The following SLC15A2 variants were observed in gnomAD, a reference collection of about 807,000 sequenced individuals.
SLC15A2 encodes the protein kidney H(+)/peptide cotransporter.
A neutral mutation model predicts 95.5 loss-of-function variants in SLC15A2; 77 were observed. The ratio of observed to expected loss-of-function variants is 0.81; its 90% CI spans 0.67 to 0.97. The LOEUF (loss-of-function observed/expected upper bound fraction) is 0.97. Ranked by LOEUF, SLC15A2 falls within the 50% of genes least tolerant of loss-of-function variation. SLC15A2 has a pLI of 0.00. For synonymous variants in SLC15A2, 306 were observed against 306.9 expected, an observed-to-expected ratio of 1.00 and a Z score of 0.03; for missense variants, 893 against 874.4, an observed-to-expected ratio of 1.02 and a Z score of -0.27.
intron 19 of SLC15A2, among the ~76,000 whole-genome samples, chr3:121,934,891 G>A (rs963017129): frequency 6.6e-6 from 1 of 151,768 alleles, no homozygotes; most frequent in East Asian, 1.9e-4. Context: ...TATGATATTG[G>A]CTGTGGGTTT....
At chr3:121,914,689 T>C (rs1709845739) in intron 5 of SLC15A2, among the ~76,000 whole-genome samples, 1 of 151,974 alleles carries the variant, frequency 6.6e-6, no homozygotes, top group Admixed American at 6.6e-5. Flanking sequence ...ATTACAGAAA[T>C]GAGTAAGATA....
chr3:121,923,112 G>A lies in SLC15A2; in HGVS notation c.940G>A (p.Ala314Thr), dbSNP rs768694030. 4 of 1,613,960 alleles carry A rather than the reference G, an allele frequency of 2.5e-6. No homozygotes were observed. In the South Asian group the frequency reaches 4.4e-5, roughly 18 times the overall value. ...FLYIPLPMFW[A>T]LLDQQGSRWT... The stretch of plus-strand genomic sequence containing the variant: ...TTATATCCCATTGCCCATGTTCTGG[G>A]CTCTTTTGGATCAGCAGGTAAGAAT... The change falls in exon 10 of 22, where the codon GCT (alanine) becomes ACT (threonine). Residue 314 changes from alanine to threonine, a missense_variant. Coordinates refer to ENST00000489711, the MANE Select transcript of SLC15A2 (RefSeq NM_021082.4).
chr3:121,944,016 T>C lies in SLC15A2; in HGVS notation c.*3009T>C, dbSNP rs1391859003. ...TGTTATGTATCAATTTTTTAAAAAG[T>C]GAATGACATAATTCATTTGAAAAAA... On this transcript the variant is annotated 3_prime_UTR_variant, in exon 22 of 22. Coordinates refer to ENST00000489711, the MANE Select transcript of SLC15A2 (RefSeq NM_021082.4). The C allele has an allele frequency of 1.3e-5, 2 of 152,220 alleles. No homozygotes were observed. Among genetic ancestry groups the C allele is most frequent in the African/African-American group, 2.4e-5 (1 of 41,454 alleles). 9.4% of individuals were successfully genotyped at this position (152,220 alleles called of 1,614,324 possible).
At chr3:121,922,014 T>C (rs1236571949) in intron 7 of SLC15A2, among the ~76,000 whole-genome samples, 1 of 152,210 alleles carries the variant, frequency 6.6e-6, no homozygotes, top group Non-Finnish European at 1.5e-5. Flanking sequence ...TCAGGAAATG[T>C]AAGTCAGCTC....
chr3:121,897,558 C>G (rs1295280890), intron 3 of SLC15A2, 29 bp downstream of exon 3: 1 of 1,611,882 alleles, frequency 6.2e-7, no homozygotes, highest in South Asian at 1.1e-5. Context: ...CACATCCCTA[C>G]AAGTTTCACA....
chr3:121,914,971 G>A, intron 5 of SLC15A2: 1 of 1,217,060 alleles, frequency 8.2e-7, no homozygotes, highest in Non-Finnish European at 1.0e-6. Context: ...TGGCACTGAA[G>A]ACAGGAAGAT....
intron 7 of SLC15A2, among the ~76,000 whole-genome samples, chr3:121,921,073 T>C (rs1709996064): frequency 6.6e-6 from 1 of 152,158 alleles, no homozygotes; most frequent in African/African-American, 2.4e-5. Context: ...ATTAAAGAAA[T>C]GAAATTCCCT....
intron 3 of SLC15A2, among the ~76,000 whole-genome samples, chr3:121,900,732 T>C (rs1217266214): frequency 6.6e-6 from 1 of 152,102 alleles, no homozygotes; most frequent in Non-Finnish European, 1.5e-5. Flanking sequence ...CCCGTAAGGC[T>C]CACTCAAATA....
chr3:121,933,975 A>G (rs1710285913), intron 19 of SLC15A2, among the ~76,000 whole-genome samples: 1 of 151,732 alleles, frequency 6.6e-6, no homozygotes, highest in African/African-American at 2.4e-5. Context: ...TCAGCTTTCT[A>G]CATATGGCCA....
Position 121,940,447 on chromosome 3 carries a change from A to G in SLC15A2, c.1972A>G (p.Ile658Val), listed in dbSNP as rs751238512. 6.8e-6 allele frequency: 11 copies of G among 1,614,020 alleles called. No homozygotes were observed. The highest frequency in any genetic ancestry group is 9.3e-6 in the Non-Finnish European group (11 of 1,179,988). ...AWLLTIAVGN[I>V]IVLVVAQFSG... is the part of the protein sequence containing the mutation. The stretch of plus-strand genomic sequence containing the variant: ...GCTATTGACAATTGCAGTTGGGAAT[A>G]TCATCGTGCTTGTTGTGGCACAGTT... Residue 658 changes from isoleucine (I) to valine (V), a missense_variant, in exon 21 of 22, where the codon ATC becomes GTC. By Grantham distance (29) the Ile-to-Val change is conservative. Coordinates refer to ENST00000489711, the MANE Select transcript of SLC15A2 (RefSeq NM_021082.4).
Position 121,902,522 on chromosome 3 carries a change from A to G in SLC15A2, c.335+4993A>G, listed in dbSNP as rs574473421. On this transcript the variant is annotated intron_variant, in intron 3 of 21. Coordinates refer to ENST00000489711, the MANE Select transcript of SLC15A2 (RefSeq NM_021082.4). ...TATCCCTCCACCAGCCCTCCACCCC[A>G]TGACAGGCCCCCATGTGTGACGTTC... Among the ~76,000 whole-genome samples the G allele has an allele frequency of 8.5e-5, 13 of 152,072 alleles. No homozygotes were observed. The South Asian group carries it at 2.7e-3, about 32-fold the overall frequency.
chr3:121,929,455 T>C, intron 17 of SLC15A2, 107 bp downstream of exon 17: 1 of 1,218,446 alleles, frequency 8.2e-7, no homozygotes, highest in Non-Finnish European at 1.2e-6. Flanking sequence ...TTCCCTCTCG[T>C]AGAATGCCAG....
chr3:121,942,334 A>G lies in SLC15A2; in HGVS notation c.*1327A>G, dbSNP rs1434327137. ...GAATGGCACGACTGTGCAGTGTGTT[A>G]CTAGGAAAAAAGTTCAGAATCACTG... On this transcript the variant is annotated 3_prime_UTR_variant, in exon 22 of 22. Coordinates refer to ENST00000489711, the MANE Select transcript of SLC15A2 (RefSeq NM_021082.4). The G allele has an allele frequency of 1.3e-5, 2 of 152,258 alleles. No homozygotes were observed. The highest frequency in any genetic ancestry group is 2.9e-5 in the Non-Finnish European group (2 of 68,036). The allele number at this position is 152,258 out of a possible 1,614,324, so 9.4% of individuals were successfully genotyped here.
At chr3:121,897,206 C>A (rs1451438579) in intron 2 of SLC15A2, among the ~76,000 whole-genome samples, 182 bp from the exon 3 acceptor site, 1 of 151,978 alleles carries the variant, frequency 6.6e-6, no homozygotes, top group Non-Finnish European at 1.5e-5. Context: ...TTCACTCCCA[C>A]AACTCCCATG....
intron 3 of SLC15A2, among the ~76,000 whole-genome samples, chr3:121,910,512 G>A (rs536022875): frequency 9.9e-5 from 15 of 152,018 alleles, no homozygotes; most frequent in African/African-American, 2.4e-4. Context: ...CTTCTTGTCC[G>A]CTACCCGCCA....
intron 3 of SLC15A2, among the ~76,000 whole-genome samples, chr3:121,899,815 A>T (rs1246299444): frequency 6.6e-6 from 1 of 152,174 alleles, no homozygotes; most frequent in African/African-American, 2.4e-5. Flanking sequence ...ACTGTAAATC[A>T]TCTTTTTTCC....
chr3:121,939,835 G>A (rs1421322302), intron 20 of SLC15A2, among the ~76,000 whole-genome samples: 1 of 151,990 alleles, frequency 6.6e-6, no homozygotes, highest in Non-Finnish European at 1.5e-5. Flanking sequence ...CTGGAGTGCA[G>A]TGGCGCGATC....
At chr3:121,916,089 T>C (rs1410367273) in intron 7 of SLC15A2, among the ~76,000 whole-genome samples, 1 of 152,224 alleles carries the variant, frequency 6.6e-6, no homozygotes, top group Non-Finnish European at 1.5e-5. Flanking sequence ...CATATTATAC[T>C]TATTTATCTG....
At position 121,940,456 on chromosome 3, in the gene SLC15A2, C is replaced by A; in HGVS notation, c.1981C>A (p.Leu661Ile). 6.2e-7 allele frequency: 1 copy of A among 1,614,026 alleles called. No individual in the cohort carries two copies. The highest frequency in any genetic ancestry group is 1.3e-5 in the African/African-American group (1 of 75,024). Reference sequence around the variant, plus strand: ...AATTGCAGTTGGGAATATCATCGTGCTTGTTGTGGCACAGTTCAGTGGCCT... The same window carrying A: ...AATTGCAGTTGGGAATATCATCGTGATTGTTGTGGCACAGTTCAGTGGCCT... ...LTIAVGNIIV[L>I]VVAQFSGLVQ... Residue 661 changes from leucine (L) to isoleucine (I), a missense_variant, in exon 21 of 22, where the codon CTT becomes ATT. By Grantham distance (5) the Leu-to-Ile change is conservative. Transcript: ENST00000489711.
Sources: allele counts gnomAD v4.1 joint callset (sites outside exome capture counted in the v4.1 genomes callset), GRCh38; gene constraint gnomAD v4.1.1; transcripts MANE v1.5; gene names NCBI Gene and HGNC (gene_info 2026-07-23, HGNC 2026-07-21).